GRM5: variants seen among roughly 807,000 people sequenced by gnomAD.
GRM5 encodes the protein glutamate metabotropic receptor 5.
GRM5 carries 19 observed loss-of-function variants against 83.1 expected under a neutral mutation model. The ratio of observed to expected loss-of-function variants is 0.23; its 90% confidence interval spans 0.16 to 0.34. The LOEUF (loss-of-function observed/expected upper bound fraction) is 0.34, where lower values mean the gene tolerates loss of function less well. Among genes scored for constraint, GRM5 ranks in the 10% least tolerant of loss-of-function variants. The pLI is 1.00. For synonymous variants in GRM5, 675 were observed against 633.6 expected, an observed-to-expected ratio of 1.07 and a Z score of -0.98; for missense variants, 1,160 against 1,588.3, an observed-to-expected ratio of 0.73 and a Z score of 4.58.
rs1050786 is a variant in GRM5, at chr11:88,505,731, T to C, written c.*2861A>G. 6.6e-6 allele frequency: 1 copy of C among 152,204 alleles called. No individual in the cohort carries two copies. Among genetic ancestry groups the C allele is most frequent in the Non-Finnish European group, 1.5e-5 (1 of 68,028 alleles). 9.4% of individuals were successfully genotyped at this position (152,204 alleles called of 1,614,324 possible). A position where few individuals can be genotyped will look rare whatever the true frequency, so the allele number is the denominator to read the frequency against. ...CTTCTTCTTTCCATCCTGGGACATA[T>C]CTCTCATTTAGGGTCACTTTGCTGA... On this transcript the variant is annotated 3_prime_UTR_variant, in exon 10 of 10. Coordinates refer to ENST00000305447, the MANE Select transcript of GRM5 (RefSeq NM_001143831.3).
At chr11:88,702,621 G>A (rs922831667) in intron 3 of GRM5, among the ~76,000 whole-genome samples, 4 of 152,028 alleles carry the variant, frequency 2.6e-5, no homozygotes, top group Non-Finnish European at 5.9e-5. Context: ...TCATTGATAA[G>A]GTGTTATGGA....
At chr11:88,884,059 A>G (rs592381) in intron 2 of GRM5, among the ~76,000 whole-genome samples, 107,814 of 151,874 alleles carry the variant, frequency 0.71, 38,734 homozygotes, top group East Asian at 0.92. Context: ...TGGAATTGTG[A>G]GAAGAAGGCC....
chr11:88,561,399 G>C (rs1270101504), intron 8 of GRM5, among the ~76,000 whole-genome samples: 1 of 152,068 alleles, frequency 6.6e-6, no homozygotes, highest in East Asian at 1.9e-4. Flanking sequence ...CCCAGGGGAG[G>C]GTTTTGACTT....
chr11:88,830,798 G>C (rs1175783026), intron 3 of GRM5, among the ~76,000 whole-genome samples: 1 of 152,150 alleles, frequency 6.6e-6, no homozygotes, highest in Admixed American at 6.5e-5. Flanking sequence ...ATTTACAAAA[G>C]GAAGAGGTTT....
intron 3 of GRM5, among the ~76,000 whole-genome samples, chr11:88,726,191 T>C (rs1941675921): frequency 6.6e-6 from 1 of 152,028 alleles, no homozygotes; most frequent in Non-Finnish European, 1.5e-5. Context: ...GAGAAGAACA[T>C]AAATGACCTA....
chr11:88,684,922 G>T (rs1265903574), intron 3 of GRM5, among the ~76,000 whole-genome samples: 1 of 152,108 alleles, frequency 6.6e-6, no homozygotes, highest in African/African-American at 2.4e-5. Flanking sequence ...TTTCTTCCCA[G>T]TTTCGGGTAT....
At chr11:88,595,451 T>C (rs756923815) in intron 6 of GRM5, among the ~76,000 whole-genome samples, 9 of 152,160 alleles carry the variant, frequency 5.9e-5, no homozygotes, top group Non-Finnish European at 1.0e-4. Context: ...TTTTTACTTC[T>C]GTGAGATCAA....
At chr11:88,662,626 G>C (rs970974487) in intron 3 of GRM5, among the ~76,000 whole-genome samples, 9 of 152,126 alleles carry the variant, frequency 5.9e-5, no homozygotes, top group African/African-American at 2.2e-4. Context: ...GATCTAACTA[G>C]GTGAGTCCTA....
intron 2 of GRM5, among the ~76,000 whole-genome samples, chr11:88,895,917 T>TA (rs1420885270): frequency 1.3e-5 from 2 of 151,930 alleles, no homozygotes; most frequent in Non-Finnish European, 2.9e-5. Flanking sequence ...TGTTTACTAG[T>TA]AAAAAACATT....
intron 7 of GRM5, among the ~76,000 whole-genome samples, chr11:88,577,396 C>T (rs1442092193): frequency 2.0e-5 from 3 of 152,090 alleles, no homozygotes; most frequent in Admixed American, 6.6e-5. Flanking sequence ...AATGCCTCAT[C>T]CCACCCATTA....
rs573136626 is a variant in GRM5, at chr11:88,558,831, C to T, written c.2630+8222G>A. Among the ~76,000 whole-genome samples the T allele has an allele frequency of 3.5e-3, 392 of 111,456 alleles. 3 individuals are homozygous for T. Among genetic ancestry groups the T allele is most frequent in the African/African-American group, 0.013 (376 of 28,730 alleles). 73.1% of individuals were successfully genotyped at this position (111,456 alleles called of 152,430 possible). A position where few individuals can be genotyped will look rare whatever the true frequency, so the allele number is the denominator to read the frequency against. On this transcript the variant is annotated intron_variant, in intron 8 of 9. Coordinates refer to ENST00000305447, the MANE Select transcript of GRM5 (RefSeq NM_001143831.3). ...AAAAAAAAAAAAAAAAAAAATACAA[C>T]AAACAACACAAACACAAAACAGCAT...
chr11:88,680,935 A>G (rs1003640801), intron 3 of GRM5, among the ~76,000 whole-genome samples: 6 of 152,206 alleles, frequency 3.9e-5, no homozygotes, highest in Non-Finnish European at 2.9e-5. Context: ...TGAGAAAGAT[A>G]GCTGAGAAGT....
chr11:89,050,696 T>G (rs1941738585), intron 1 of GRM5, among the ~76,000 whole-genome samples: 1 of 151,968 alleles, frequency 6.6e-6, no homozygotes, highest in African/African-American at 2.4e-5. Flanking sequence ...AGCAAAAACA[T>G]AAAATCAACT....
chr11:88,661,768 A>T (rs1465144741), intron 3 of GRM5, among the ~76,000 whole-genome samples: 3 of 152,064 alleles, frequency 2.0e-5, no homozygotes, highest in African/African-American at 7.2e-5. Flanking sequence ...TATGTTGCCC[A>T]GGATGGATTC....
At chr11:88,828,696 T>C (rs1943935388) in intron 3 of GRM5, among the ~76,000 whole-genome samples, 1 of 152,114 alleles carries the variant, frequency 6.6e-6, no homozygotes, top group Admixed American at 6.5e-5. Context: ...TGGAGATAAA[T>C]TGACTCAGAT....
chr11:88,735,057 A>C (rs1207096695), intron 3 of GRM5, among the ~76,000 whole-genome samples: 1 of 150,580 alleles, frequency 6.6e-6, no homozygotes, highest in Admixed American at 6.6e-5. Context: ...TTCAAAATAA[A>C]CCTATCTTAA....
At chr11:88,953,453 T>G (rs541039822) in intron 2 of GRM5, among the ~76,000 whole-genome samples, 34 of 152,298 alleles carry the variant, frequency 2.2e-4, no homozygotes, top group African/African-American at 7.9e-4. Context: ...AGTCAGTATC[T>G]TCAAAGAAGC....
intron 3 of GRM5, among the ~76,000 whole-genome samples, chr11:88,770,237 A>G (rs1355405325): frequency 6.6e-6 from 1 of 152,084 alleles, no homozygotes; most frequent in African/African-American, 2.4e-5. Context: ...AGATAACTAC[A>G]TGTAATATGG....
intron 2 of GRM5, among the ~76,000 whole-genome samples, chr11:88,911,076 A>AT (rs1945489212): frequency 6.6e-6 from 1 of 152,022 alleles, no homozygotes; most frequent in Non-Finnish European, 1.5e-5. Context: ...ATAAGAATAT[A>AT]TTTTTTCCTA....
Sources: allele counts gnomAD v4.1 joint callset (sites outside exome capture counted in the v4.1 genomes callset), GRCh38; gene constraint gnomAD v4.1.1; transcripts MANE v1.5; gene names NCBI Gene and HGNC (gene_info 2026-07-23, HGNC 2026-07-21).